MTPN: variants seen among roughly 807,000 people sequenced by gnomAD.
MTPN encodes myotrophin.
Under a neutral mutation model 13.5 loss-of-function variants are expected in MTPN, and 2 were observed. That is an observed-to-expected ratio of 0.15 (90% CI 0.06 to 0.47). The LOEUF is 0.47. Ranked by LOEUF, MTPN falls within the 20% of genes least tolerant of loss-of-function variation. The probability of loss-of-function intolerance (pLI) is 0.97; values close to 1 mark genes in which losing one functional copy is unlikely to be tolerated. For synonymous variants in MTPN, 46 were observed against 51.7 expected (o/e 0.89, Z 0.48); for missense variants, 79 against 137.9 (o/e 0.57, Z 2.14).
intron 3 of MTPN, among the ~76,000 whole-genome samples, chr7:135,943,242 G>C (rs558874454): frequency 6.6e-6 from 1 of 152,294 alleles, no homozygotes; most frequent in South Asian, 2.1e-4. Context: ...AGTAATTCAA[G>C]TAACAAATAG....
chr7:135,954,465 G>C (rs1371290799), intron 1 of MTPN, among the ~76,000 whole-genome samples: 1 of 152,140 alleles, frequency 6.6e-6, no homozygotes, highest in African/African-American at 2.4e-5. Context: ...TGTTGTTGAG[G>C]CAAAGAATGC....
intron 1 of MTPN, among the ~76,000 whole-genome samples, chr7:135,962,044 T>C (rs1191820018): frequency 6.6e-6 from 1 of 152,058 alleles, no homozygotes; most frequent in Non-Finnish European, 1.5e-5. Flanking sequence ...GCATGATTAA[T>C]AATTAATGAG....
chr7:135,968,387 T>C (rs1799637947), intron 1 of MTPN, among the ~76,000 whole-genome samples: 1 of 152,134 alleles, frequency 6.6e-6, no homozygotes. Flanking sequence ...TTTGGTTTCT[T>C]TTCTTTCAGT....
intron 1 of MTPN, among the ~76,000 whole-genome samples, chr7:135,973,644 T>C (rs1562938399): frequency 2.6e-5 from 4 of 152,252 alleles, no homozygotes; most frequent in Admixed American, 6.5e-5. Flanking sequence ...AGATCAAAAA[T>C]GGGGCTATGA....
At chr7:135,969,241 A>C (rs1799655682) in intron 1 of MTPN, among the ~76,000 whole-genome samples, 1 of 97,300 alleles carries the variant, frequency 1.0e-5, no homozygotes, top group South Asian at 3.6e-4. Flanking sequence ...AGTATAATAA[A>C]AAAAAAAAAA....
intron 1 of MTPN, among the ~76,000 whole-genome samples, chr7:135,957,674 G>C (rs1215322342): frequency 6.6e-6 from 1 of 152,124 alleles, no homozygotes; most frequent in African/African-American, 2.4e-5. Flanking sequence ...CCCAATATTA[G>C]AGGTGCGGGC....
In MTPN at chr7:135,946,858, C is replaced by T. The variant is rs757542937; in HGVS notation, c.270+3741G>A. On this transcript the variant is annotated intron_variant, in intron 3 of 3. Transcript: ENST00000393085. ...CACAGACTGCTGTACTGGTCAGTTGCTACTTTTCTATTATGAGTGTCTGTC... is the reference window on the plus strand; with the variant it reads ...CACAGACTGCTGTACTGGTCAGTTGTTACTTTTCTATTATGAGTGTCTGTC... 2.6e-5 allele frequency among the ~76,000 whole-genome samples: 4 copies of T among 152,150 alleles called. No individual in the cohort carries two copies. In the East Asian group the frequency reaches 7.7e-4, roughly 29 times the overall value.
At chr7:135,962,181 G>T (rs10232887) in intron 1 of MTPN, among the ~76,000 whole-genome samples, 166 of 151,460 alleles carry the variant, frequency 1.1e-3, no homozygotes, top group African/African-American at 3.7e-3. Context: ...TAAAACCTTA[G>T]AGAACCCATT....
chr7:135,948,889 T>G (rs941489456), intron 3 of MTPN, among the ~76,000 whole-genome samples: 2 of 152,052 alleles, frequency 1.3e-5, no homozygotes, highest in African/African-American at 4.8e-5. Flanking sequence ...GGTTTTTATT[T>G]TCAGAGAACA....
At chr7:135,974,848 G>A (rs1488681884) in intron 1 of MTPN, among the ~76,000 whole-genome samples, 1 of 152,160 alleles carries the variant, frequency 6.6e-6, no homozygotes, top group Non-Finnish European at 1.5e-5. Context: ...ACTGTAATAA[G>A]GACCTGAAAG....
At chr7:135,933,098 CAAAAAAAAAA>C (rs56865854) in intron 3 of MTPN, among the ~76,000 whole-genome samples, 2 of 63,066 alleles carry the variant, frequency 3.2e-5, no homozygotes, top group Non-Finnish European at 6.0e-5. Flanking sequence ...CACTCAGCCT[CAAAAAAAAAA>C]AAAAAAAAAA....
intron 3 of MTPN, among the ~76,000 whole-genome samples, chr7:135,945,575 C>A (rs190404273): frequency 6.6e-6 from 1 of 152,140 alleles, no homozygotes; most frequent in Admixed American, 6.5e-5. Context: ...ATCACTTTTT[C>A]CACCTCCATA....
At chr7:135,946,122 T>C (rs1799284388) in intron 3 of MTPN, among the ~76,000 whole-genome samples, 1 of 152,254 alleles carries the variant, frequency 6.6e-6, no homozygotes, top group South Asian at 2.1e-4. Context: ...AAATGAACTC[T>C]GAACTTAGGA....
intron 1 of MTPN, among the ~76,000 whole-genome samples, chr7:135,962,634 CAT>C (rs956156476): frequency 3.9e-5 from 6 of 151,912 alleles, no homozygotes; most frequent in African/African-American, 1.4e-4. Flanking sequence ...TAATATGAAA[CAT>C]AAACATATTA....
At chr7:135,971,672 A>C (rs1562937833) in intron 1 of MTPN, among the ~76,000 whole-genome samples, 1 of 152,226 alleles carries the variant, frequency 6.6e-6, no homozygotes, top group African/African-American at 2.4e-5. Flanking sequence ...CTCATGGCTT[A>C]CTGTTGATAA....
chr7:135,969,615 G>A (rs1021273709), intron 1 of MTPN, among the ~76,000 whole-genome samples: 3 of 151,912 alleles, frequency 2.0e-5, no homozygotes, highest in Non-Finnish European at 4.4e-5. Context: ...AGTTCCAGAA[G>A]AGCAAATTTA....
chr7:135,929,656 C>T lies in MTPN; in HGVS notation c.*270G>A, dbSNP rs886696355. 1.5e-5 allele frequency: 6 copies of T among 406,812 alleles called. No individual in the cohort carries two copies. The highest frequency in any genetic ancestry group is 1.0e-4 in the African/African-American group (5 of 49,428). 25.2% of individuals were successfully genotyped at this position (406,812 alleles called of 1,614,324 possible). On this transcript the variant is annotated 3_prime_UTR_variant, in exon 4 of 4. Transcript: ENST00000393085. ...ACTGGTGTATTTTGTCTTTGCTCTC[C>T]CTTGGGTATAAGGTGTATATTTTAT...
chr7:135,973,662 T>A (rs1799729878), intron 1 of MTPN, among the ~76,000 whole-genome samples: 1 of 152,206 alleles, frequency 6.6e-6, no homozygotes, highest in Non-Finnish European at 1.5e-5. Context: ...TGAATATCTC[T>A]TATAGCTGCT....
intron 1 of MTPN, among the ~76,000 whole-genome samples, chr7:135,951,858 CAAT>C (rs1476379052): frequency 2.0e-5 from 3 of 152,202 alleles, no homozygotes; most frequent in Middle Eastern, 3.4e-3. Flanking sequence ...AAACAATATA[CAAT>C]AATGATAAAT....
Sources: gnomAD v4.1 joint callset for allele counts (sites outside exome capture counted in the v4.1 genomes callset) on GRCh38, gnomAD v4.1.1 for gene constraint, MANE v1.5 for transcripts, NCBI Gene and HGNC (gene_info 2026-07-23, HGNC 2026-07-21) for gene names.